Variants in GLYATL1 observed in about 807,000 individuals in gnomAD.
GLYATL1 encodes the protein glycine N-acyltransferase-like protein 1.
In GLYATL1, 15 loss-of-function variants were observed where a neutral mutation model predicts 20.0. The ratio of observed to expected loss-of-function variants is 0.75; its 90% confidence interval spans 0.50 to 1.15. The LOEUF is 1.15. Among genes scored for constraint, GLYATL1 ranks in the 50% most tolerant of loss-of-function variants. GLYATL1 has a pLI of 0.00. For missense variants in GLYATL1, 380 were observed against 368.5 expected (o/e 1.03, Z -0.26); for synonymous variants, 151 against 131.5 (o/e 1.15, Z -1.01).
intron 3 of GLYATL1, 47 bp from the exon 4 acceptor site, chr11:58,947,811 T>C: frequency 1.6e-6 from 2 of 1,249,930 alleles, no homozygotes; most frequent in Non-Finnish European, 2.4e-6. Flanking sequence ...CAGATCCTCA[T>C]CTCTGGGGAT....
At chr11:58,954,403 G>T (rs1194417422) in intron 4 of GLYATL1, among the ~76,000 whole-genome samples, 1 of 152,128 alleles carries the variant, frequency 6.6e-6, no homozygotes, top group Non-Finnish European at 1.5e-5. Flanking sequence ...TTTTTATTCT[G>T]CTGGGTGCTT....
At chr11:58,906,226 C>A (rs1026563445) in intron 1 of GLYATL1, among the ~76,000 whole-genome samples, 8 of 152,098 alleles carry the variant, frequency 5.3e-5, no homozygotes, top group African/African-American at 1.9e-4. Flanking sequence ...GGAGCTGGGC[C>A]CCGCCCGTTG....
chr11:58,955,199 G>A lies in GLYATL1; in HGVS notation c.337G>A (p.Gly113Arg). The A allele has an allele frequency of 6.2e-7, 1 of 1,613,536 alleles. No individual in the cohort carries two copies. Among genetic ancestry groups the A allele is most frequent in the Non-Finnish European group, 8.5e-7 (1 of 1,179,832 alleles). ...AGGTCTTCAAGAAAGTTTAGGTGAG[G>A]GGATAAGAGTGGCTACATTTTCAAA... ...IQGLQESLGEGIRVATFSKSV... is the reference protein window; with the variant it reads ...IQGLQESLGERIRVATFSKSV... The change falls in exon 6 of 7, where the codon GGG becomes AGG. Residue 113 changes from glycine (G) to arginine (R), a missense_variant. Physicochemically the swap from Gly to Arg is moderately radical, Grantham distance 125. Transcript: ENST00000532726.
At chr11:58,907,117 T>G (rs1854911738) in intron 1 of GLYATL1, 1 of 353,622 alleles carries the variant, frequency 2.8e-6, no homozygotes, top group Admixed American at 3.4e-5. Flanking sequence ...AGTTTTAGGG[T>G]GGTTCTTTCC....
chr11:58,925,462 C>G (rs1157192313), upstream of GLYATL1, among the ~76,000 whole-genome samples: 1 of 152,140 alleles, frequency 6.6e-6, no homozygotes, highest in Non-Finnish European at 1.5e-5. Context: ...AGGGTGCATT[C>G]TTATATTAAT....
At chr11:58,918,841 T>C (rs1429455831) in intron 1 of GLYATL1, among the ~76,000 whole-genome samples, 1 of 152,166 alleles carries the variant, frequency 6.6e-6, no homozygotes, top group Non-Finnish European at 1.5e-5. Context: ...GCTTCTGGAG[T>C]GACCAGAGCA....
At chr11:58,952,747 C>A (rs1307855566) in intron 4 of GLYATL1, among the ~76,000 whole-genome samples, 1 of 152,126 alleles carries the variant, frequency 6.6e-6, no homozygotes, top group Non-Finnish European at 1.5e-5. Flanking sequence ...TCTATTGTTC[C>A]TACATTTATG....
intron 3 of GLYATL1, 109 bp downstream of exon 3, chr11:58,947,274 G>T: frequency 2.8e-6 from 4 of 1,431,284 alleles, no homozygotes; most frequent in Non-Finnish European, 2.8e-6. Flanking sequence ...GGTTGGAGCT[G>T]GGAAACAGGA....
At chr11:58,952,619 G>A (rs1366674373) in intron 4 of GLYATL1, among the ~76,000 whole-genome samples, 1 of 152,168 alleles carries the variant, frequency 6.6e-6, no homozygotes, top group Non-Finnish European at 1.5e-5. Context: ...TGGGAAGATT[G>A]CATGATGCTG....
At chr11:58,906,101 C>T (rs553132248) in intron 1 of GLYATL1, among the ~76,000 whole-genome samples, 185 of 152,280 alleles carry the variant, frequency 1.2e-3, no homozygotes, top group Non-Finnish European at 1.7e-3. Flanking sequence ...TGGTCAGGCT[C>T]GCCGGTTCTT....
intron 1 of GLYATL1, among the ~76,000 whole-genome samples, chr11:58,922,461 G>T (rs1254094840): frequency 6.6e-6 from 1 of 152,098 alleles, no homozygotes; most frequent in Non-Finnish European, 1.5e-5. Flanking sequence ...TCCCTGAGAG[G>T]CATTTGCATA....
intron 4 of GLYATL1, among the ~76,000 whole-genome samples, chr11:58,948,718 T>G (rs1418096954): frequency 6.6e-6 from 1 of 152,224 alleles, no homozygotes; most frequent in South Asian, 2.1e-4. Context: ...GTGTCAACTG[T>G]GTGGAAGCAC....
rs752010382 is a variant in GLYATL1 at position 58,955,337 on chromosome 11, G to T, written c.475G>T (p.Asp159Tyr). 1.2e-6 allele frequency: 2 copies of T among 1,613,042 alleles called. No homozygotes were observed. Among genetic ancestry groups the T allele is most frequent in the Non-Finnish European group, 1.7e-6 (2 of 1,179,662 alleles). ...LGSWAETGHP[D>Y]DEFESETPNF... is the part of the protein sequence containing the mutation. ...AAGCTGGGCTGAGACAGGCCACCCA[G>T]ATGATGAATTTGAAAGGTACAAAAA... The change falls in exon 6 of 7, where the codon GAT becomes TAT. Residue 159 changes from aspartate to tyrosine, a missense_variant. By Grantham distance (160) the Asp-to-Tyr change is radical. Transcript: ENST00000532726.
At chr11:58,931,605 G>T (rs958692916) in intron 1 of GLYATL1, among the ~76,000 whole-genome samples, 1 of 152,094 alleles carries the variant, frequency 6.6e-6, no homozygotes, top group Admixed American at 6.6e-5. Context: ...AATGGTAAAA[G>T]CAAACATTTG....
At chr11:58,954,270 C>T (rs1302041270) in intron 4 of GLYATL1, among the ~76,000 whole-genome samples, 1 of 152,194 alleles carries the variant, frequency 6.6e-6, no homozygotes, top group African/African-American at 2.4e-5. Context: ...CTCTTAACAA[C>T]ACAAACTCAG....
chr11:58,926,986 G>T (rs2135123840), upstream of GLYATL1, among the ~76,000 whole-genome samples: 1 of 152,288 alleles, frequency 6.6e-6, no homozygotes, highest in East Asian at 1.9e-4. Flanking sequence ...TGTAATCAGT[G>T]GGTTAAGACA....
intron 1 of GLYATL1, among the ~76,000 whole-genome samples, chr11:58,919,989 T>C (rs1343696003): frequency 1.3e-5 from 2 of 152,174 alleles, no homozygotes; most frequent in African/African-American, 4.8e-5. Context: ...TCCCAGTTTT[T>C]TGGGCAAACC....
intron 1 of GLYATL1, among the ~76,000 whole-genome samples, chr11:58,941,559 A>C (rs1420909420): frequency 6.6e-6 from 1 of 152,156 alleles, no homozygotes; most frequent in African/African-American, 2.4e-5. Flanking sequence ...TACTGGGTAT[A>C]TACCCAAAGG....
At chr11:58,949,675 T>A (rs1183716327) in intron 4 of GLYATL1, among the ~76,000 whole-genome samples, 3 of 151,112 alleles carry the variant, frequency 2.0e-5, no homozygotes, top group African/African-American at 7.3e-5. Context: ...ACCACACATA[T>A]AAGACCAAAA....
Sources: gnomAD v4.1 joint callset for allele counts (sites outside exome capture counted in the v4.1 genomes callset) on GRCh38, gnomAD v4.1.1 for gene constraint, MANE v1.5 for transcripts, NCBI Gene and HGNC (gene_info 2026-07-23, HGNC 2026-07-21) for gene names.